The following EDIL3 variants were observed in gnomAD, a reference collection of about 807,000 sequenced individuals.
The protein encoded by EDIL3 is EGF like and discoidin domains 3.
Under a neutral mutation model 67.4 loss-of-function variants are expected in EDIL3, and 37 were observed. That is an observed-to-expected ratio of 0.55 (90% CI 0.42 to 0.72). The LOEUF is 0.72. Among genes scored for constraint, EDIL3 ranks in the 30% least tolerant of loss-of-function variants. The pLI is 0.00. For synonymous variants in EDIL3, 195 were observed against 196.3 expected, an observed-to-expected ratio of 0.99 and a Z score of 0.05; for missense variants, 527 against 586.3, an observed-to-expected ratio of 0.90 and a Z score of 1.04.
intron 2 of EDIL3, among the ~76,000 whole-genome samples, chr5:84,244,744 T>C (rs925072482): frequency 3.3e-5 from 5 of 152,314 alleles, no homozygotes; most frequent in East Asian, 1.9e-4. Context: ...AAGCTTTCTT[T>C]GTCCACTTAC....
At chr5:84,309,142 T>C (rs1486553580) in intron 1 of EDIL3, among the ~76,000 whole-genome samples, 1 of 152,162 alleles carries the variant, frequency 6.6e-6, no homozygotes, top group Non-Finnish European at 1.5e-5. Flanking sequence ...CATAATTATG[T>C]TGAAGATTAG....
At chr5:84,182,564 G>A (rs1749032463) in intron 3 of EDIL3, among the ~76,000 whole-genome samples, 1 of 152,016 alleles carries the variant, frequency 6.6e-6, no homozygotes, top group Non-Finnish European at 1.5e-5. Flanking sequence ...TGGGTGGGAA[G>A]CACTTAGAAG....
chr5:84,229,092 C>G (rs2112041966), intron 3 of EDIL3, among the ~76,000 whole-genome samples: 1 of 152,124 alleles, frequency 6.6e-6, no homozygotes, highest in South Asian at 2.1e-4. Flanking sequence ...GTATGTTAGT[C>G]TGGTCTTTTA....
At chr5:84,357,060 G>A (rs747466886) in intron 1 of EDIL3, among the ~76,000 whole-genome samples, 13 of 151,028 alleles carry the variant, frequency 8.6e-5, no homozygotes, top group African/African-American at 1.7e-4. Flanking sequence ...GAGTAGCTGG[G>A]ATTACAGGCA....
chr5:83,976,985 TCTC>T (rs1744887125), intron 9 of EDIL3, among the ~76,000 whole-genome samples: 1 of 151,830 alleles, frequency 6.6e-6, no homozygotes, highest in Non-Finnish European at 1.5e-5. Context: ...ATTTATCTCT[TCTC>T]CTGTCATTAG....
At chr5:84,207,194 A>G (rs138324744) in intron 3 of EDIL3, among the ~76,000 whole-genome samples, 1,590 of 152,354 alleles carry the variant, frequency 0.01, 33 homozygotes, top group African/African-American at 0.036. Flanking sequence ...CAACTTCAGC[A>G]AAGTCTCAGA....
At chr5:84,298,408 A>C (rs1226367835) in intron 1 of EDIL3, among the ~76,000 whole-genome samples, 1 of 152,246 alleles carries the variant, frequency 6.6e-6, no homozygotes, top group African/African-American at 2.4e-5. Context: ...GTTCTCACTT[A>C]TAAGTGGGGG....
intron 6 of EDIL3, among the ~76,000 whole-genome samples, chr5:84,086,434 G>A (rs1228299633): frequency 6.6e-6 from 1 of 152,134 alleles, no homozygotes; most frequent in African/African-American, 2.4e-5. Flanking sequence ...GCGCTTTCTG[G>A]GAGAAGCGAC....
chr5:84,144,307 T>G (rs1748255470), intron 4 of EDIL3, among the ~76,000 whole-genome samples: 1 of 139,436 alleles, frequency 7.2e-6, no homozygotes, highest in Non-Finnish European at 1.5e-5. Context: ...CCTTCCTCCC[T>G]TCTTTCCATG....
At chr5:84,021,797 C>G (rs1745721133) in intron 9 of EDIL3, among the ~76,000 whole-genome samples, 1 of 151,740 alleles carries the variant, frequency 6.6e-6, no homozygotes, top group Non-Finnish European at 1.5e-5. Flanking sequence ...ACTCGAAGGC[C>G]TAAAGAAAAT....
chr5:83,981,782 TTTA>T (rs1248199578), intron 9 of EDIL3, among the ~76,000 whole-genome samples: 2 of 152,086 alleles, frequency 1.3e-5, no homozygotes, highest in Non-Finnish European at 2.9e-5. Flanking sequence ...ATGACCTCTT[TTTA>T]TTATCATTTT....
intron 3 of EDIL3, among the ~76,000 whole-genome samples, chr5:84,193,046 TAAAGAAACAG>T (rs1467164561): frequency 6.6e-6 from 1 of 151,736 alleles, no homozygotes; most frequent in Non-Finnish European, 1.5e-5. Context: ...ACAGCAAGGA[TAAAGAAACAG>T]GGACCAAACC....
intron 2 of EDIL3, among the ~76,000 whole-genome samples, chr5:84,236,377 T>C (rs998963146): frequency 2.6e-5 from 4 of 152,068 alleles, no homozygotes; most frequent in African/African-American, 7.2e-5. Flanking sequence ...GGTGATTTGA[T>C]ATAATAAGGG....
At chr5:84,326,276 T>C (rs1446788186) in intron 1 of EDIL3, among the ~76,000 whole-genome samples, 4 of 151,976 alleles carry the variant, frequency 2.6e-5, no homozygotes, top group Admixed American at 6.6e-5. Flanking sequence ...TTACCTACAC[T>C]GTGGTATTCT....
intron 6 of EDIL3, among the ~76,000 whole-genome samples, chr5:84,085,239 A>G (rs183080736): frequency 2.4e-3 from 364 of 152,280 alleles, no homozygotes; most frequent in Admixed American, 4.2e-3. Context: ...TGTTGTGATC[A>G]TTTAGAGGAG....
intron 10 of EDIL3, among the ~76,000 whole-genome samples, chr5:83,944,557 G>C (rs1429660471): frequency 2.0e-5 from 3 of 151,506 alleles, no homozygotes; most frequent in African/African-American, 4.8e-5. Context: ...AATTATGTTG[G>C]GGTAAACTGA....
intron 1 of EDIL3, among the ~76,000 whole-genome samples, chr5:84,374,844 G>A (rs1206152759): frequency 1.3e-5 from 2 of 152,048 alleles, no homozygotes; most frequent in African/African-American, 2.4e-5. Context: ...CGTGAAGAAG[G>A]TCCTTGCTTC....
intron 4 of EDIL3, among the ~76,000 whole-genome samples, chr5:84,152,529 AG>A (rs1367453201): frequency 1.2e-4 from 19 of 152,354 alleles, no homozygotes; most frequent in Admixed American, 1.2e-3. Flanking sequence ...AGATTAATGC[AG>A]AAAAAATGTT....
At chr5:84,307,385 C>G (rs976666860) in intron 1 of EDIL3, among the ~76,000 whole-genome samples, 4 of 151,714 alleles carry the variant, frequency 2.6e-5, no homozygotes, top group African/African-American at 7.3e-5. Context: ...AGATGCTCCA[C>G]AAAAATAGAA....
Sources: allele counts gnomAD v4.1 joint callset (sites outside exome capture counted in the v4.1 genomes callset), GRCh38; gene constraint gnomAD v4.1.1; transcripts MANE v1.5; gene names NCBI Gene and HGNC (gene_info 2026-07-23, HGNC 2026-07-21).